ABCA13: variants seen among roughly 807,000 people sequenced by gnomAD.
ABCA13 encodes ATP binding cassette subfamily A member 13.
Under a neutral mutation model 478.7 loss-of-function variants are expected in ABCA13, and 476 were observed. That is an observed-to-expected ratio of 0.99 (90% confidence interval 0.92 to 1.07). ABCA13 has a LOEUF of 1.07. Ranked by LOEUF, ABCA13 falls within the 50% of genes least tolerant of loss-of-function variation. The pLI is 0.00. For missense variants in ABCA13, 6,060 were observed against 5,910.6 expected, an observed-to-expected ratio of 1.03 and a Z score of -0.83; for synonymous variants, 2,252 against 2,158.9, an observed-to-expected ratio of 1.04 and a Z score of -1.20.
chr7:48,431,685 G>C (rs1477788012), intron 42 of ABCA13, among the ~76,000 whole-genome samples: 2 of 152,028 alleles, frequency 1.3e-5, no homozygotes, highest in African/African-American at 2.4e-5. Context: ...GCTCTGTTAG[G>C]TACATAAATC....
chr7:48,571,484 C>CTTT (rs71552486), intron 55 of ABCA13, among the ~76,000 whole-genome samples: 2 of 146,678 alleles, frequency 1.4e-5, no homozygotes, highest in African/African-American at 5.0e-5. Context: ...TCTAGGCTAG[C>CTTT]TTTTTTTTTT....
At chr7:48,382,604 A>G (rs1397552389) in intron 35 of ABCA13, among the ~76,000 whole-genome samples, 1 of 152,216 alleles carries the variant, frequency 6.6e-6, no homozygotes, top group Non-Finnish European at 1.5e-5. Context: ...TTCAAAATTA[A>G]TTGAACATCC....
intron 55 of ABCA13, among the ~76,000 whole-genome samples, chr7:48,566,502 G>C (rs1918589): frequency 0.13 from 20,153 of 152,178 alleles, 1,654 homozygotes; most frequent in African/African-American, 0.21. Flanking sequence ...ATGTTGGTTA[G>C]CATCTCACAG....
At position 48,351,180 on chromosome 7, in the gene ABCA13, A is replaced by G. The variant is rs146207177; in HGVS notation, c.10381+361A>G. The stretch of plus-strand genomic sequence containing the variant: ...TTAAAGTTATACTCTAATTTCCTGC[A>G]TCACCTTTCCTTTTATCAGAGTATC... On this transcript the variant is annotated intron_variant, in intron 30 of 61. Coordinates refer to ENST00000435803, the MANE Select transcript of ABCA13 (RefSeq NM_152701.5). Among the ~76,000 whole-genome samples the G allele has an allele frequency of 4.1e-3, 619 of 152,346 alleles. 5 individuals carry two copies. Among genetic ancestry groups the G allele is most frequent in the African/African-American group, 0.014 (572 of 41,580 alleles).
chr7:48,525,881 T>C (rs1311818621), intron 54 of ABCA13, among the ~76,000 whole-genome samples: 1 of 152,082 alleles, frequency 6.6e-6, no homozygotes, highest in Non-Finnish European at 1.5e-5. Context: ...TTTATCCTGA[T>C]GCTCTCCCTC....
intron 27 of ABCA13, 71 bp from the exon 28 acceptor site, chr7:48,335,351 T>A: frequency 8.6e-7 from 1 of 1,166,142 alleles, no homozygotes; most frequent in Non-Finnish European, 1.2e-6. Context: ...TCATATACAG[T>A]CCTTGTTGGA....
At chr7:48,341,624 G>T (rs1563084018) in intron 29 of ABCA13, among the ~76,000 whole-genome samples, 2 of 150,942 alleles carry the variant, frequency 1.3e-5, no homozygotes, top group Admixed American at 6.6e-5. Context: ...TTGTCAGAGG[G>T]TTATCAATTT....
rs1334519659 is a variant in ABCA13, at chr7:48,279,181, A to G, written c.7987A>G (p.Thr2663Ala). The G allele has an allele frequency of 1.3e-6, 2 of 1,599,352 alleles. No homozygotes were observed. The highest frequency in any genetic ancestry group is 4.5e-5 in the East Asian group (2 of 44,650). The change falls in exon 18 of 62, where the codon ACT (threonine) becomes GCT (alanine). Residue 2663 changes from threonine to alanine, a missense_variant. Physicochemically the swap from Thr to Ala is moderately conservative, Grantham distance 58 (BLOSUM62 0). This residue lies in a region of ABCA13 where 4,423 missense variants were observed against 4,309.1 expected (regional missense o/e 1.03). Transcript: ENST00000435803. The stretch of plus-strand genomic sequence containing the variant: ...TCTTGCGGTAGCATTTAACAATGAG[A>G]CTCAAACATTTTCTATGGATTCTGT... ...RSLAVAFNNETQTFSMDSVNL... is the reference protein window; with the variant it reads ...RSLAVAFNNEAQTFSMDSVNL...
At chr7:48,373,021 TGCTG>T (rs1305029872) in intron 33 of ABCA13, among the ~76,000 whole-genome samples, 2 of 152,166 alleles carry the variant, frequency 1.3e-5, no homozygotes, top group Non-Finnish European at 2.9e-5. Flanking sequence ...TTATGGCAAT[TGCTG>T]GCAAGCGCAG....
chr7:48,378,851 A>G (rs980617061), intron 35 of ABCA13, among the ~76,000 whole-genome samples: 1 of 152,320 alleles, frequency 6.6e-6, no homozygotes, highest in Admixed American at 6.5e-5. Flanking sequence ...TGTGACCTCT[A>G]ATGAGTTATG....
intron 29 of ABCA13, among the ~76,000 whole-genome samples, chr7:48,346,753 A>G (rs528853731): frequency 2.1e-4 from 32 of 152,306 alleles, no homozygotes; most frequent in Non-Finnish European, 4.0e-4. Flanking sequence ...CTTATGCTAC[A>G]GATGAAGAAA....
At chr7:48,611,101 T>G (rs1791984556) in intron 58 of ABCA13, among the ~76,000 whole-genome samples, 1 of 152,222 alleles carries the variant, frequency 6.6e-6, no homozygotes, top group Non-Finnish European at 1.5e-5. Context: ...TTTTCCAAAC[T>G]TCTATGCTCT....
At chr7:48,404,961 T>C (rs1039885507) in intron 39 of ABCA13, among the ~76,000 whole-genome samples, 6 of 152,264 alleles carry the variant, frequency 3.9e-5, no homozygotes, top group African/African-American at 1.4e-4. Flanking sequence ...TGGCCTGGCC[T>C]GGGCAATTGC....
chr7:48,630,375 G>A (rs550546548), intron 59 of ABCA13, among the ~76,000 whole-genome samples: 34 of 152,156 alleles, frequency 2.2e-4, no homozygotes, highest in African/African-American at 6.5e-4. Flanking sequence ...ATGCATACTC[G>A]TTGTTTAACT....
chr7:48,240,623 G>T (rs994029020), intron 9 of ABCA13, among the ~76,000 whole-genome samples: 1 of 151,746 alleles, frequency 6.6e-6, no homozygotes, highest in African/African-American at 2.4e-5. Flanking sequence ...TTTCTCTTTT[G>T]GGGGAAAAAA....
In ABCA13 at chr7:48,427,775, A is replaced by C. The variant is rs774085026; in HGVS notation, c.12469A>C (p.Met4157Leu). 19 of 1,608,482 alleles carry C rather than the reference A, an allele frequency of 1.2e-5. No homozygotes were observed. Among genetic ancestry groups the C allele is most frequent in the African/African-American group, 2.7e-5 (2 of 74,676 alleles). Residue 4157 changes from methionine to leucine, a missense_variant, in exon 42 of 62, where the codon ATG (methionine) becomes CTG (leucine). Transcript: ENST00000435803. Reference sequence around the variant, plus strand: ...TTTTTTTCTCCGAAAGGTGTTTTTGATGCTTTTGCAAGATTCCAACAAGAA... The same window carrying C: ...TTTTTTTCTCCGAAAGGTGTTTTTGCTGCTTTTGCAAGATTCCAACAAGAA... ...SDTTLEEVFLMLLQDSNKKSH... is the reference protein window; with the variant it reads ...SDTTLEEVFLLLLQDSNKKSH...
chr7:48,339,266 G>A (rs1028030168), intron 29 of ABCA13, among the ~76,000 whole-genome samples: 40 of 152,122 alleles, frequency 2.6e-4, no homozygotes, highest in Non-Finnish European at 1.0e-4. Context: ...AAAATTTCTG[G>A]TGAATGCAAT....
At chr7:48,524,547 A>G (rs1475339836) in intron 54 of ABCA13, 107 bp downstream of exon 54, 5 of 1,060,148 alleles carry the variant, frequency 4.7e-6, no homozygotes, top group African/African-American at 1.7e-5. Flanking sequence ...AGCCAAAAAT[A>G]GCCTTCAAAT....
intron 22 of ABCA13, 92 bp downstream of exon 22, chr7:48,297,403 A>T (rs1799530629): frequency 4.1e-6 from 5 of 1,232,084 alleles, no homozygotes; most frequent in Non-Finnish European, 5.7e-6. Flanking sequence ...ACAACAGAAA[A>T]TTTATGCTAT....
Sources: allele counts gnomAD v4.1 joint callset (sites outside exome capture counted in the v4.1 genomes callset), GRCh38; gene constraint gnomAD v4.1.1; regional missense constraint gnomAD v4.1.1; transcripts MANE v1.5; gene names NCBI Gene and HGNC (gene_info 2026-07-23, HGNC 2026-07-21).